SNED1: variants seen among roughly 807,000 people sequenced by gnomAD.
The protein encoded by SNED1 is sushi, nidogen and EGF-like domain-containing protein 1.
A neutral mutation model predicts 166.7 loss-of-function variants in SNED1; 81 were observed. That is an observed-to-expected ratio of 0.49 (90% confidence interval 0.41 to 0.58). The LOEUF (loss-of-function observed/expected upper bound fraction) is 0.58, where lower values mean the gene tolerates loss of function less well. Among genes scored for constraint, SNED1 ranks in the 20% least tolerant of loss-of-function variants. The pLI is 0.00. For missense variants in SNED1, 1,604 were observed against 2,000.2 expected (o/e 0.80, Z 3.78); for synonymous variants, 762 against 822.0 (o/e 0.93, Z 1.25).
intron 1 of SNED1, among the ~76,000 whole-genome samples, chr2:241,027,599 T>C (rs2061013031): frequency 6.6e-6 from 1 of 152,208 alleles, no homozygotes; most frequent in African/African-American, 2.4e-5. Context: ...CTGGGTCATA[T>C]GGTAATTCTG....
intron 8 of SNED1, among the ~76,000 whole-genome samples, chr2:241,046,317 G>A (rs1329705903): frequency 6.6e-6 from 1 of 152,136 alleles, no homozygotes; most frequent in African/African-American, 2.4e-5. Context: ...TAACTCTAAA[G>A]AGATGAAAAC....
chr2:241,037,082 G>T (rs2061395677), intron 5 of SNED1, 158 bp from the exon 6 acceptor site: 1 of 1,012,138 alleles, frequency 9.9e-7, no homozygotes, highest in Middle Eastern at 2.4e-4. Flanking sequence ...AAAGGCCATG[G>T]CCCCCTGGAG....
chr2:241,053,030 G>T, intron 15 of SNED1, 123 bp from the exon 16 acceptor site: 1 of 907,688 alleles, frequency 1.1e-6, no homozygotes, highest in Non-Finnish European at 1.6e-6. Flanking sequence ...ACCTTTCCCC[G>T]GTGAAGGGCA....
chr2:241,009,314 G>A (rs113205916), intron 1 of SNED1, among the ~76,000 whole-genome samples: 2,263 of 152,280 alleles, frequency 0.015, 57 homozygotes, highest in African/African-American at 0.051. Flanking sequence ...GAAAGGGCAG[G>A]TGTGGACACC....
At chr2:241,065,659 C>G (rs1460797340) in intron 21 of SNED1, 64 bp downstream of exon 21, 1 of 1,420,886 alleles carries the variant, frequency 7.0e-7, no homozygotes, top group Non-Finnish European at 9.7e-7. Flanking sequence ...GCGCTGGCCC[C>G]GGCACCTGCA....
chr2:241,064,641 G>A lies in SNED1; in HGVS notation c.2600-203G>A, dbSNP rs548105202. Among the ~76,000 whole-genome samples the A allele has an allele frequency of 4.2e-3, 641 of 152,278 alleles. 4 individuals carry two copies. Among genetic ancestry groups the A allele is most frequent in the African/African-American group, 0.015 (616 of 41,556 alleles). On this transcript the variant is annotated intron_variant, in intron 19 of 31. Transcript: ENST00000310397. The surrounding 1 kb of genome is among the most constrained non-coding windows in gnomAD (Gnocchi z 7.0). ...CAGCCAGTCCGGCTGGTGGCACTCC[G>A]CTGTGGAGGGTGGAGGAGCTGCTGG...
intron 30 of SNED1, chr2:241,087,733 G>C (rs1255440270): frequency 9.2e-6 from 12 of 1,303,900 alleles, no homozygotes; most frequent in Non-Finnish European, 1.2e-5. Flanking sequence ...TATTCACACA[G>C]AACATGGTGC....
intron 1 of SNED1, among the ~76,000 whole-genome samples, chr2:241,026,819 G>A (rs2060985570): frequency 6.6e-6 from 1 of 152,044 alleles, no homozygotes; most frequent in Non-Finnish European, 1.5e-5. Flanking sequence ...TCACATTATT[G>A]TGTAATCATT....
rs989144497 is a variant in SNED1, at chr2:241,064,261, G to A, written c.2599+136G>A. ...TCCCCGCCCTCTGCCCGCCGCCTTG[G>A]AAGTCCCCTTCTCAGGCCAGTGGCC... On this transcript the variant is annotated intron_variant, in intron 19 of 31. Coordinates refer to ENST00000310397, the MANE Select transcript of SNED1 (RefSeq NM_001080437.3). The surrounding 1 kb of genome is among the most constrained non-coding windows in gnomAD (Gnocchi z 7.0). The A allele has an allele frequency of 6.5e-5, 41 of 629,342 alleles. No homozygotes were observed. The highest frequency in any genetic ancestry group is 5.1e-4 in the African/African-American group (26 of 51,314). 39.0% of individuals were successfully genotyped at this position (629,342 alleles called of 1,614,324 possible).
Position 241,051,850 on chromosome 2 carries a change from C to G in SNED1, c.1842C>G (p.His614Gln). 6.4e-7 allele frequency: 1 copy of G among 1,553,754 alleles called. No individual in the cohort carries two copies. The highest frequency in any genetic ancestry group is 8.7e-7 in the Non-Finnish European group (1 of 1,149,250). Residue 614 changes from histidine to glutamine, a missense_variant, in exon 13 of 32, where the codon CAC becomes CAG. By Grantham distance (24) the His-to-Gln change is conservative. This residue lies in a region of SNED1 where 1,237 missense variants were observed against 1,620.8 expected (regional missense o/e 0.76). Transcript: ENST00000310397. The surrounding 1 kb of genome is among the most constrained non-coding windows in gnomAD (Gnocchi z 4.7). ...CSCPYRFTGR[H>Q]CEIGKPDSCA... ...GCCCCTACCGCTTCACTGGGAGGCACTGTGAGATCGGTGCGGCCCCCAGGG... is the reference window on the plus strand; with the variant it reads ...GCCCCTACCGCTTCACTGGGAGGCAGTGTGAGATCGGTGCGGCCCCCAGGG...
rs146778878 is a variant in SNED1, at chr2:241,093,260, C to T, written c.*1624C>T. The T allele has an allele frequency of 3.7e-4, 57 of 152,746 alleles. No homozygotes were observed. Among genetic ancestry groups the T allele is most frequent in the African/African-American group, 1.3e-3 (55 of 41,576 alleles). 9.5% of individuals were successfully genotyped at this position (152,746 alleles called of 1,614,324 possible). ...CTGAGAGAAACCACGTTCACAAACG[C>T]GTACTGCGGACTTCCTGCCGCCCTG... On this transcript the variant is annotated 3_prime_UTR_variant, in exon 32 of 32. Coordinates refer to ENST00000310397, the MANE Select transcript of SNED1 (RefSeq NM_001080437.3).
intron 1 of SNED1, among the ~76,000 whole-genome samples, chr2:241,027,238 GC>G (rs2060998327): frequency 6.6e-6 from 1 of 152,122 alleles, no homozygotes; most frequent in South Asian, 2.1e-4. Context: ...GTGCCACCAT[GC>G]CCAGCTAATG....
chr2:241,016,850 C>CTTTTTTTTTTT (rs5839783), intron 1 of SNED1, among the ~76,000 whole-genome samples: 1 of 125,814 alleles, frequency 7.9e-6, no homozygotes, highest in Non-Finnish European at 1.7e-5. Flanking sequence ...TTCTTTCTTT[C>CTTTTTTTTTTT]TTTTTTTTTT....
chr2:241,005,240 G>A (rs2060191787), intron 1 of SNED1, among the ~76,000 whole-genome samples: 1 of 151,540 alleles, frequency 6.6e-6, no homozygotes, highest in Non-Finnish European at 1.5e-5. Context: ...TACTTACTCT[G>A]TCATCCAGGC....
intron 6 of SNED1, among the ~76,000 whole-genome samples, chr2:241,039,334 C>T (rs2061459286): frequency 6.6e-6 from 1 of 152,184 alleles, no homozygotes; most frequent in Non-Finnish European, 1.5e-5. Context: ...AGAGAGGGCC[C>T]CACCATTCCC....
intron 29 of SNED1, among the ~76,000 whole-genome samples, chr2:241,085,468 A>G (rs1416944608): frequency 6.6e-6 from 1 of 152,170 alleles, no homozygotes; most frequent in Non-Finnish European, 1.5e-5. Flanking sequence ...TATCTTCATT[A>G]TCTTTATATT....
chr2:241,085,530 G>T (rs1446869710), intron 29 of SNED1, among the ~76,000 whole-genome samples: 2 of 151,812 alleles, frequency 1.3e-5, no homozygotes, highest in Non-Finnish European at 1.5e-5. Context: ...ATATTTTAAG[G>T]TCCTCATCTG....
chr2:241,071,568 C>A lies in SNED1; in HGVS notation c.3590-8C>A. The A allele has an allele frequency of 1.3e-6, 2 of 1,577,744 alleles. No individual in the cohort carries two copies. Among genetic ancestry groups the A allele is most frequent in the African/African-American group, 1.3e-5 (1 of 74,552 alleles). On this transcript the variant is annotated splice_polypyrimidine_tract_variant and splice_region_variant and intron_variant, in intron 24 of 31. Transcript: ENST00000310397. Reference sequence around the variant, plus strand: ...CAGACCAGCCCCTTCCTCCTGCCTGCTCTGCAGCCCCCAGGGATGGCGCTG... The same window carrying A: ...CAGACCAGCCCCTTCCTCCTGCCTGATCTGCAGCCCCCAGGGATGGCGCTG...
intron 8 of SNED1, chr2:241,041,024 C>A (rs764684688): frequency 5.4e-6 from 2 of 367,440 alleles, no homozygotes; most frequent in Non-Finnish European, 1.1e-5. Flanking sequence ...CCAGGTGCTG[C>A]TTCTCTCCAG....
Sources: gnomAD v4.1 joint callset for allele counts (sites outside exome capture counted in the v4.1 genomes callset) on GRCh38, gnomAD v4.1.1 for gene constraint, gnomAD v4.1.1 regional missense constraint, Gnocchi (gnomAD v3.1) non-coding constraint, MANE v1.5 for transcripts, NCBI Gene and HGNC (gene_info 2026-07-23, HGNC 2026-07-21) for gene names.